The following DGKG variants were observed in gnomAD, a reference collection of about 807,000 sequenced individuals.
The protein encoded by DGKG is diacylglycerol kinase gamma.
A neutral mutation model predicts 105.3 loss-of-function variants in DGKG; 78 were observed. The observed-to-expected ratio is 0.74, with a 90% CI of 0.62 to 0.89. The LOEUF (loss-of-function observed/expected upper bound fraction) is 0.89, where lower values mean the gene tolerates loss of function less well. Ranked by LOEUF, DGKG falls within the 40% of genes least tolerant of loss-of-function variation. The pLI, the probability that DGKG is intolerant of heterozygous loss-of-function variation, is 0.00. For missense variants in DGKG, 958 were observed against 1,020.1 expected, an observed-to-expected ratio of 0.94 and a Z score of 0.83; for synonymous variants, 346 against 367.1, an observed-to-expected ratio of 0.94 and a Z score of 0.66.
chr3:186,188,264 G>T lies in DGKG; in HGVS notation c.2033C>A (p.Ala678Asp). 6.2e-7 allele frequency: 1 copy of T among 1,614,148 alleles called. No individual in the cohort carries two copies. The highest frequency in any genetic ancestry group is 8.5e-7 in the Non-Finnish European group (1 of 1,180,038). The change falls in exon 22 of 25, where the codon GCT becomes GAT. Residue 678 changes from alanine (A) to aspartate (D), a missense_variant. Ala to Asp is a moderately radical substitution (Grantham distance 126). Transcript: ENST00000265022. Reference sequence around the variant, plus strand: ...ACCCTTCCTGCTTTCCCGGATCACAGCCCGGTTCTTCTTGTTTTCTCCCCA... The same window carrying T: ...ACCCTTCCTGCTTTCCCGGATCACATCCCGGTTCTTCTTGTTTTCTCCCCA... Reference protein sequence around the residue: ...NLWGENKKNRAVIRESRKGVT... With the variant: ...NLWGENKKNRDVIRESRKGVT...
At chr3:186,245,788 G>C (rs893660416) in intron 19 of DGKG, among the ~76,000 whole-genome samples, 1 of 152,050 alleles carries the variant, frequency 6.6e-6, no homozygotes, top group African/African-American at 2.4e-5. Flanking sequence ...CAGTCATTTG[G>C]ACTCTGAGAT....
At chr3:186,236,382 A>G (rs74332626) in intron 20 of DGKG, among the ~76,000 whole-genome samples, 106 of 152,362 alleles carry the variant, frequency 7.0e-4, no homozygotes, top group African/African-American at 2.4e-3. Flanking sequence ...GATATTCAAC[A>G]ACAAATGTTT....
chr3:186,232,640 A>G (rs942796098), intron 20 of DGKG, among the ~76,000 whole-genome samples: 1 of 152,194 alleles, frequency 6.6e-6, no homozygotes, highest in African/African-American at 2.4e-5. Context: ...TGAACTTTCC[A>G]AATTATTTAT....
rs1024337061 is a variant in DGKG, at chr3:186,272,240, G to A, written c.999+15C>T. The A allele has an allele frequency of 6.3e-7, 1 of 1,597,900 alleles. No individual in the cohort carries two copies. The highest frequency in any genetic ancestry group is 2.2e-5 in the East Asian group (1 of 44,780). On this transcript the variant is annotated intron_variant, in intron 11 of 24. Coordinates refer to ENST00000265022, the MANE Select transcript of DGKG (RefSeq NM_001346.3). ...ATGAGGCATGCAGTAGAACAAGGCA[G>A]TAGATGTCACCAACCTCACCACTCC...
chr3:186,323,738 C>T (rs1725195982), intron 1 of DGKG, among the ~76,000 whole-genome samples: 1 of 152,012 alleles, frequency 6.6e-6, no homozygotes, highest in African/African-American at 2.4e-5. Flanking sequence ...AGATCGAGAC[C>T]ATCCTGGCTA....
chr3:186,279,792 C>T, intron 9 of DGKG, 59 bp downstream of exon 9: 3 of 1,590,300 alleles, frequency 1.9e-6, no homozygotes, highest in South Asian at 2.3e-5. Context: ...TTGATATTAA[C>T]ATGAAGCCCA....
At chr3:186,252,864 C>T (rs1161835820) in intron 18 of DGKG, among the ~76,000 whole-genome samples, 3 of 152,090 alleles carry the variant, frequency 2.0e-5, no homozygotes, top group African/African-American at 7.2e-5. Context: ...ATAGTAAACT[C>T]GGGGCTGAGG....
intron 19 of DGKG, among the ~76,000 whole-genome samples, chr3:186,243,138 T>C (rs1462117034): frequency 6.6e-6 from 1 of 151,806 alleles, no homozygotes; most frequent in South Asian, 2.1e-4. Flanking sequence ...TAGATGCTAT[T>C]AGATATTAAG....
intron 1 of DGKG, among the ~76,000 whole-genome samples, chr3:186,326,970 C>A (rs886748083): frequency 6.6e-6 from 1 of 152,110 alleles, no homozygotes; most frequent in Non-Finnish European, 1.5e-5. Context: ...CCAGCCTGAG[C>A]AATATGGCAA....
chr3:186,304,510 C>G (rs780174975), intron 3 of DGKG, among the ~76,000 whole-genome samples: 2 of 152,100 alleles, frequency 1.3e-5, no homozygotes, highest in Admixed American at 6.5e-5. Flanking sequence ...TGGATGACAA[C>G]GTGAATAAGA....
intron 21 of DGKG, among the ~76,000 whole-genome samples, chr3:186,197,761 C>A (rs1425603201): frequency 6.6e-6 from 1 of 152,142 alleles, no homozygotes; most frequent in Non-Finnish European, 1.5e-5. Flanking sequence ...TGCATAGAGG[C>A]CACAGAGTTG....
intron 1 of DGKG, among the ~76,000 whole-genome samples, chr3:186,338,114 G>A (rs1725914351): frequency 6.8e-6 from 1 of 148,070 alleles, no homozygotes; most frequent in African/African-American, 2.5e-5. Context: ...AGGTTGTAGT[G>A]AGCCAAGAAC....
At chr3:186,195,709 G>C (rs1718146202) in intron 21 of DGKG, among the ~76,000 whole-genome samples, 1 of 152,136 alleles carries the variant, frequency 6.6e-6, no homozygotes, top group African/African-American at 2.4e-5. Flanking sequence ...GAGTAGTAAG[G>C]CTGTAGTGTT....
intron 24 of DGKG, among the ~76,000 whole-genome samples, chr3:186,155,977 T>C (rs544296492): frequency 6.6e-6 from 1 of 152,336 alleles, no homozygotes; most frequent in Non-Finnish European, 1.5e-5. Context: ...GAATTCTCTG[T>C]TCACTATTGC....
At chr3:186,260,318 T>A in intron 16 of DGKG, 121 bp downstream of exon 16, 1 of 714,130 alleles carries the variant, frequency 1.4e-6, no homozygotes. Context: ...AGAAAGGGAG[T>A]AAAATGGCAG....
Position 186,148,587 on chromosome 3 carries a change from G to C in DGKG, c.*1503C>G. ...AAATGACCCTACTCTGAGATGTGTG[G>C]GTTCTTTTCTCCATTAAATATCTTT... is the stretch of plus-strand genomic sequence containing the variant. On this transcript the variant is annotated 3_prime_UTR_variant, in exon 25 of 25. Coordinates refer to ENST00000265022, the MANE Select transcript of DGKG (RefSeq NM_001346.3). 2 of 985,106 alleles carry C rather than the reference G, an allele frequency of 2.0e-6. No homozygotes were observed. Among genetic ancestry groups the C allele is most frequent in the Non-Finnish European group, 2.4e-6 (2 of 829,924 alleles). The allele number at this position is 985,106 out of a possible 1,614,324, so 61.0% of individuals were successfully genotyped here.
chr3:186,208,847 G>A (rs1718877620), intron 21 of DGKG, among the ~76,000 whole-genome samples: 1 of 152,154 alleles, frequency 6.6e-6, no homozygotes, highest in Non-Finnish European at 1.5e-5. Context: ...CACCTGTTAG[G>A]TAAATCTCTG....
At chr3:186,196,166 C>T (rs1191560654) in intron 21 of DGKG, among the ~76,000 whole-genome samples, 2 of 137,036 alleles carry the variant, frequency 1.5e-5, no homozygotes, top group Non-Finnish European at 3.1e-5. Flanking sequence ...AAGACTGAGT[C>T]TCACTCTGTT....
At chr3:186,184,411 C>T (rs1234693758) in intron 22 of DGKG, among the ~76,000 whole-genome samples, 1 of 152,040 alleles carries the variant, frequency 6.6e-6, no homozygotes, top group East Asian at 1.9e-4. Context: ...CCTTCTTACT[C>T]GGATTGTTTT....
Sources: allele counts gnomAD v4.1 joint callset (sites outside exome capture counted in the v4.1 genomes callset), GRCh38; gene constraint gnomAD v4.1.1; transcripts MANE v1.5; gene names NCBI Gene and HGNC (gene_info 2026-07-23, HGNC 2026-07-21).